The following LIN52 variants were observed in gnomAD, a reference collection of about 807,000 sequenced individuals.
The protein encoded by LIN52 is lin-52 DREAM MuvB core complex component.
Under a neutral mutation model 18.5 loss-of-function variants are expected in LIN52, and 4 were observed. The observed-to-expected ratio is 0.22, with a 90% CI of 0.11 to 0.49. The LOEUF is 0.49. Ranked by LOEUF, LIN52 falls within the 20% of genes least tolerant of loss-of-function variation. The pLI is 0.97. For synonymous variants in LIN52, 34 were observed against 45.5 expected (o/e 0.75, Z 1.02); for missense variants, 102 against 139.5 (o/e 0.73, Z 1.35).
chr14:74,192,213 C>T (rs537281470), intron 5 of LIN52, among the ~76,000 whole-genome samples: 19 of 152,060 alleles, frequency 1.2e-4, no homozygotes, highest in Admixed American at 3.9e-4. Flanking sequence ...GGAGACTCCA[C>T]GGCTTACCAT....
chr14:74,114,591 C>G (rs1409359463), intron 5 of LIN52, among the ~76,000 whole-genome samples: 1 of 151,844 alleles, frequency 6.6e-6, no homozygotes, highest in Non-Finnish European at 1.5e-5. Context: ...TAGATGCCTG[C>G]TTAACAACAA....
chr14:74,184,914 A>G (rs1366702323), intron 5 of LIN52, among the ~76,000 whole-genome samples: 1 of 151,810 alleles, frequency 6.6e-6, no homozygotes, highest in Non-Finnish European at 1.5e-5. Context: ...ACCCTAGTAC[A>G]TCTTTTTTCT....
chr14:74,088,907 A>G (rs1293912784), intron 1 of LIN52, among the ~76,000 whole-genome samples: 3 of 152,216 alleles, frequency 2.0e-5, no homozygotes, highest in Middle Eastern at 3.2e-3. Flanking sequence ...TGGAAGAGAA[A>G]TGATGTCAAA....
At chr14:74,187,214 G>C (rs917616890) in intron 5 of LIN52, among the ~76,000 whole-genome samples, 3 of 152,248 alleles carry the variant, frequency 2.0e-5, no homozygotes, top group Non-Finnish European at 4.4e-5. Flanking sequence ...TTACTTGTTT[G>C]TGGTCTTAAA....
intron 5 of LIN52, among the ~76,000 whole-genome samples, chr14:74,163,942 C>T (rs556423359): frequency 3.9e-5 from 6 of 152,014 alleles, no homozygotes; most frequent in Non-Finnish European, 8.8e-5. Flanking sequence ...GGTTACTCAA[C>T]CGGTGGATAC....
chr14:74,091,358 C>T, intron 2 of LIN52, 52 bp downstream of exon 2: 2 of 1,204,406 alleles, frequency 1.7e-6, no homozygotes, highest in Non-Finnish European at 2.4e-6. Flanking sequence ...AACAATGTTC[C>T]TTTTTAAAGA....
chr14:74,091,388 A>C, intron 2 of LIN52, 82 bp downstream of exon 2: 1 of 985,118 alleles, frequency 1.0e-6, no homozygotes, highest in Non-Finnish European at 1.5e-6. Context: ...AGAGTTATTT[A>C]TTTTGTAAAT....
At chr14:74,112,601 G>A (rs548899738) in intron 5 of LIN52, among the ~76,000 whole-genome samples, 4 of 152,166 alleles carry the variant, frequency 2.6e-5, no homozygotes, top group Non-Finnish European at 5.9e-5. Context: ...CATTAAACAG[G>A]AATGTTAGCT....
chr14:74,158,744 C>T (rs2061211702), intron 5 of LIN52, among the ~76,000 whole-genome samples: 2 of 152,208 alleles, frequency 1.3e-5, no homozygotes, highest in East Asian at 3.8e-4. Context: ...TCCCAAAGTG[C>T]TGGGATTACA....
intron 5 of LIN52, among the ~76,000 whole-genome samples, chr14:74,123,782 G>C (rs78524158): frequency 0.018 from 2,798 of 152,178 alleles, 88 homozygotes; most frequent in African/African-American, 0.064. Flanking sequence ...AAAAGACCAT[G>C]GCTTCTGTTC....
At chr14:74,093,106 A>G (rs1341549920) in intron 2 of LIN52, among the ~76,000 whole-genome samples, 1 of 149,974 alleles carries the variant, frequency 6.7e-6, no homozygotes, top group Non-Finnish European at 1.5e-5. Flanking sequence ...TGCCCGCCAC[A>G]ATGCTCAGCT....
intron 5 of LIN52, among the ~76,000 whole-genome samples, chr14:74,102,317 CCTTT>C (rs2060864096): frequency 6.6e-6 from 1 of 152,128 alleles, no homozygotes; most frequent in African/African-American, 2.4e-5. Flanking sequence ...CTTTATCCTT[CCTTT>C]ATTTCTATTA....
At chr14:74,180,975 T>C (rs900721152) in intron 5 of LIN52, among the ~76,000 whole-genome samples, 12 of 151,280 alleles carry the variant, frequency 7.9e-5, no homozygotes, top group Non-Finnish European at 1.2e-4. Context: ...AGCATGGTGG[T>C]ACGCACTTGT....
chr14:74,145,910 T>C (rs746112499), intron 5 of LIN52, among the ~76,000 whole-genome samples: 1 of 152,218 alleles, frequency 6.6e-6, no homozygotes, highest in Non-Finnish European at 1.5e-5. Flanking sequence ...ATTCCTTTCA[T>C]GTCTTGGGGT....
At chr14:74,185,317 T>C (rs1048445970) in intron 5 of LIN52, among the ~76,000 whole-genome samples, 1 of 129,260 alleles carries the variant, frequency 7.7e-6, no homozygotes, top group Admixed American at 7.9e-5. Context: ...TTCTTTTTTT[T>C]TTTTTTTTTT....
chr14:74,111,730 A>G (rs2060929841), intron 5 of LIN52, among the ~76,000 whole-genome samples: 2 of 151,934 alleles, frequency 1.3e-5, no homozygotes, highest in African/African-American at 2.4e-5. Context: ...GAACTAAATT[A>G]ATAGTCCTTG....
chr14:74,089,588 A>C (rs540318287), intron 1 of LIN52, among the ~76,000 whole-genome samples: 1 of 151,814 alleles, frequency 6.6e-6, no homozygotes, highest in African/African-American at 2.4e-5. Context: ...GGCTGGTCTC[A>C]AACTCGTGAG....
intron 5 of LIN52, among the ~76,000 whole-genome samples, chr14:74,150,664 A>G (rs1212921035): frequency 5.3e-5 from 8 of 152,196 alleles, no homozygotes; most frequent in African/African-American, 1.9e-4. Context: ...ACTTTTTTAA[A>G]TTAACTAAAA....
chr14:74,148,708 C>T (rs2139553101), intron 5 of LIN52, among the ~76,000 whole-genome samples: 1 of 151,958 alleles, frequency 6.6e-6, no homozygotes, highest in African/African-American at 2.4e-5. Flanking sequence ...TATTCATTTC[C>T]CTTGTTAGTA....
Sources: allele counts gnomAD v4.1 joint callset (sites outside exome capture counted in the v4.1 genomes callset), GRCh38; gene constraint gnomAD v4.1.1; transcripts MANE v1.5; gene names NCBI Gene and HGNC (gene_info 2026-07-23, HGNC 2026-07-21).